Variants in IPCEF1 observed in about 807,000 individuals in gnomAD.
IPCEF1 encodes interaction protein for cytohesin exchange factors 1.
Under a neutral mutation model 50.9 loss-of-function variants are expected in IPCEF1, and 31 were observed. The observed-to-expected ratio is 0.61, with a 90% confidence interval of 0.46 to 0.82. The LOEUF is 0.82. Ranked by LOEUF, IPCEF1 falls within the 40% of genes least tolerant of loss-of-function variation. The probability of loss-of-function intolerance (pLI) is 0.00; values close to 1 mark genes in which losing one functional copy is unlikely to be tolerated. For synonymous variants in IPCEF1, 181 were observed against 192.0 expected (o/e 0.94, Z 0.47); for missense variants, 458 against 514.0 (o/e 0.89, Z 1.05).
In IPCEF1 at chr6:154,353,787, T is replaced by G. The variant is rs527773862; in HGVS notation, c.-62+2885A>C. Among the ~76,000 whole-genome samples, 3 of 152,372 alleles carry G rather than the reference T, an allele frequency of 2.0e-5. No individual in the cohort carries two copies. In the South Asian group the frequency reaches 6.2e-4, roughly 32 times the overall value. ...CTTGCTTCTCTGCAGTATTTTTACA[T>G]AGTTGAAAAAGTTATGTTCCTCCTT... is the stretch of plus-strand genomic sequence containing the variant. On this transcript the variant is annotated intron_variant, in intron 1 of 11. Coordinates refer to ENST00000367220, the MANE Select transcript of IPCEF1 (RefSeq NM_001130700.2).
intron 9 of IPCEF1, among the ~76,000 whole-genome samples, chr6:154,209,028 C>T (rs1388612084): frequency 2.0e-5 from 3 of 152,146 alleles, no homozygotes; most frequent in African/African-American, 4.8e-5. Flanking sequence ...GGAAGATTTC[C>T]TGACATGTTC....
chr6:154,158,598 G>A lies in IPCEF1; in HGVS notation c.*1230C>T, dbSNP rs1462158733. 1 of 152,140 alleles carries A rather than the reference G, an allele frequency of 6.6e-6. No individual in the cohort carries two copies. 9.4% of individuals were successfully genotyped at this position (152,140 alleles called of 1,614,324 possible). A position where few individuals can be genotyped will look rare whatever the true frequency, so the allele number is the denominator to read the frequency against. On this transcript the variant is annotated 3_prime_UTR_variant, in exon 12 of 12. Transcript: ENST00000367220. ...TGGGGGTTGGGGTGGGGAAGAAAATGAAAAATTATGAATGCATGCCCCATT... is the reference window on the plus strand; with the variant it reads ...TGGGGGTTGGGGTGGGGAAGAAAATAAAAAATTATGAATGCATGCCCCATT...
In IPCEF1 at chr6:154,349,272, A is replaced by G. The variant is rs186149081; in HGVS notation, c.-62+7400T>C. Among the ~76,000 whole-genome samples, 341 of 151,790 alleles carry G rather than the reference A, an allele frequency of 2.2e-3. 1 individual carries two copies. The highest frequency in any genetic ancestry group is 7.9e-3 in the African/African-American group (329 of 41,472). On this transcript the variant is annotated intron_variant, in intron 1 of 11. Coordinates refer to ENST00000367220, the MANE Select transcript of IPCEF1 (RefSeq NM_001130700.2). ...AGTGGTGCGATCATTGCCTACTGCA[A>G]CCTCAATCTCCCAGGCTCAAGTGAT...
At chr6:154,315,428 T>C (rs1333524622) in intron 1 of IPCEF1, among the ~76,000 whole-genome samples, 2 of 152,170 alleles carry the variant, frequency 1.3e-5, no homozygotes, top group African/African-American at 2.4e-5. Context: ...AACAGCTGTT[T>C]CATTGACATA....
chr6:154,338,623 G>A (rs376040271), intron 1 of IPCEF1, among the ~76,000 whole-genome samples: 41 of 152,266 alleles, frequency 2.7e-4, no homozygotes, highest in African/African-American at 6.3e-4. Flanking sequence ...GCTGATAAAC[G>A]TCTGATCTAG....
intron 2 of IPCEF1, among the ~76,000 whole-genome samples, chr6:154,282,372 G>A (rs545204453): frequency 5.5e-4 from 84 of 152,184 alleles, no homozygotes; most frequent in African/African-American, 1.9e-3. Context: ...GAGTGGTAGC[G>A]ATAGAAGTGG....
intron 10 of IPCEF1, among the ~76,000 whole-genome samples, chr6:154,179,244 G>C (rs1194499362): frequency 1.3e-5 from 2 of 152,162 alleles, no homozygotes; most frequent in Admixed American, 1.3e-4. Flanking sequence ...CTTCTCAATT[G>C]CTATACTAAG....
Position 154,167,783 on chromosome 6 carries a change from A to T in IPCEF1, c.1104+137T>A, listed in dbSNP as rs1157519215. On this transcript the variant is annotated intron_variant, in intron 11 of 11. Coordinates refer to ENST00000367220, the MANE Select transcript of IPCEF1 (RefSeq NM_001130700.2). ...AAGAACGTCAAGATCATCTTGCCCT[A>T]TAAAGGTTATATTTACTTTTACAGC... is the stretch of plus-strand genomic sequence containing the variant. The T allele has an allele frequency of 6.5e-6, 4 of 615,460 alleles. No individual in the cohort carries two copies. In the East Asian group the frequency reaches 1.1e-4, roughly 17 times the overall value. 38.1% of individuals were successfully genotyped at this position (615,460 alleles called of 1,614,324 possible).
chr6:154,312,003 T>C (rs1783089695), intron 1 of IPCEF1, among the ~76,000 whole-genome samples: 1 of 149,706 alleles, frequency 6.7e-6, no homozygotes, highest in Non-Finnish European at 1.5e-5. Flanking sequence ...TAAAGAGATG[T>C]CTATACCCCC....
intron 7 of IPCEF1, among the ~76,000 whole-genome samples, chr6:154,215,173 A>C (rs1778287794): frequency 6.6e-6 from 1 of 152,220 alleles, no homozygotes; most frequent in Non-Finnish European, 1.5e-5. Flanking sequence ...CAAGCCATGA[A>C]CAATTCAGCA....
chr6:154,199,031 T>C (rs1583777226), intron 10 of IPCEF1, among the ~76,000 whole-genome samples: 1 of 152,340 alleles, frequency 6.6e-6, no homozygotes, highest in East Asian at 1.9e-4. Context: ...GGACCAGTTA[T>C]CAGAGTATTT....
intron 10 of IPCEF1, among the ~76,000 whole-genome samples, chr6:154,178,074 G>A (rs1414851663): frequency 6.6e-6 from 1 of 151,198 alleles, no homozygotes; most frequent in Non-Finnish European, 1.5e-5. Context: ...TCACTCATAA[G>A]TGGGAGTTGA....
intron 10 of IPCEF1, among the ~76,000 whole-genome samples, chr6:154,188,493 C>T (rs1018280092): frequency 3.9e-5 from 6 of 152,134 alleles, no homozygotes; most frequent in African/African-American, 7.2e-5. Flanking sequence ...TGTGTATGCA[C>T]GCATGTGCAT....
intron 10 of IPCEF1, among the ~76,000 whole-genome samples, chr6:154,191,770 T>G (rs915993272): frequency 4.6e-5 from 7 of 152,178 alleles, no homozygotes; most frequent in Non-Finnish European, 1.0e-4. Flanking sequence ...GAATATTTAT[T>G]GCCAGTTGTA....
chr6:154,241,108 C>T (rs542660068), intron 5 of IPCEF1, among the ~76,000 whole-genome samples: 11 of 151,824 alleles, frequency 7.2e-5, no homozygotes, highest in East Asian at 1.9e-4. Flanking sequence ...TGGTGGTGCA[C>T]GCCTGTAATC....
intron 1 of IPCEF1, among the ~76,000 whole-genome samples, chr6:154,303,464 G>A (rs1179679356): frequency 6.6e-6 from 1 of 152,144 alleles, no homozygotes; most frequent in African/African-American, 2.4e-5. Flanking sequence ...CGAGAGGGTT[G>A]TTTTCTGCAA....
intron 2 of IPCEF1, among the ~76,000 whole-genome samples, chr6:154,283,094 G>C (rs1054004546): frequency 9.2e-5 from 14 of 151,658 alleles, no homozygotes; most frequent in Non-Finnish European, 2.1e-4. Flanking sequence ...AGGAGTTCAA[G>C]ACCAGCCTGG....
At chr6:154,215,287 T>C (rs1778297902) in intron 7 of IPCEF1, among the ~76,000 whole-genome samples, 1 of 105,016 alleles carries the variant, frequency 9.5e-6, no homozygotes, top group South Asian at 5.2e-4. Context: ...GGTCTTGTTG[T>C]ACCTGTTATT....
intron 10 of IPCEF1, among the ~76,000 whole-genome samples, chr6:154,191,118 C>A (rs541801216): frequency 5.5e-4 from 83 of 152,084 alleles, no homozygotes; most frequent in African/African-American, 2.0e-3. Flanking sequence ...ATTCATATTA[C>A]CAAATGAAAG....
Sources: gnomAD v4.1 joint callset for allele counts (sites outside exome capture counted in the v4.1 genomes callset) on GRCh38, gnomAD v4.1.1 for gene constraint, MANE v1.5 for transcripts, NCBI Gene and HGNC (gene_info 2026-07-23, HGNC 2026-07-21) for gene names.